The following NPY1R variants were observed in gnomAD, a reference collection of about 807,000 sequenced individuals.
NPY1R encodes neuropeptide Y receptor Y1.
In NPY1R, 10 loss-of-function variants were observed where a neutral mutation model predicts 24.1. The ratio of observed to expected loss-of-function variants is 0.42; its 90% CI spans 0.26 to 0.71. The LOEUF (loss-of-function observed/expected upper bound fraction) is 0.71, where lower values mean the gene tolerates loss of function less well. NPY1R is among the 30% of genes least tolerant of loss of function. The pLI, the probability that NPY1R is intolerant of heterozygous loss-of-function variation, is 0.28. For synonymous variants in NPY1R, 168 were observed against 165.9 expected (o/e 1.01, Z -0.10); for missense variants, 350 against 458.0 (o/e 0.76, Z 2.15).
chr4:163,331,876 C>T (rs1290601256), intron 1 of NPY1R, among the ~76,000 whole-genome samples: 1 of 152,242 alleles, frequency 6.6e-6, no homozygotes, highest in African/African-American at 2.4e-5. Context: ...CGGAGCGCGG[C>T]TCGATTGCAG....
At chr4:163,335,354 A>G (rs565891053), upstream of NPY1R, among the ~76,000 whole-genome samples, 2 of 152,328 alleles carry the variant, frequency 1.3e-5, no homozygotes, top group East Asian at 3.9e-4. Context: ...ATTTCTGTAA[A>G]TCTAAGTTTT....
chr4:163,333,201 G>T (rs1734773161), upstream of NPY1R, among the ~76,000 whole-genome samples: 3 of 151,536 alleles, frequency 2.0e-5, no homozygotes, highest in Admixed American at 2.0e-4. Context: ...TTTGTTCCCA[G>T]CGCTTAGCTG....
At position 163,326,326 on chromosome 4, in the gene NPY1R, T is replaced by C; in HGVS notation, c.229A>G (p.Ile77Val). The change falls in exon 2 of 3, where the codon ATC (isoleucine) becomes GTC (valine). Residue 77 changes from isoleucine to valine, a missense_variant. Ile to Val is a conservative substitution (Grantham distance 29). Coordinates refer to ENST00000296533, the MANE Select transcript of NPY1R (RefSeq NM_000909.6). ...GAGAAGGAAAGGTTCACAATCAGGA[T>C]GTTGGTAACATTTCTCATCTCCTTT... ...KQKEMRNVTN[I>V]LIVNLSFSDL... 1.2e-6 allele frequency: 2 copies of C among 1,614,074 alleles called. No homozygotes were observed. The highest frequency in any genetic ancestry group is 1.7e-6 in the Non-Finnish European group (2 of 1,179,912).
chr4:163,327,137 G>C (rs1734626129), intron 1 of NPY1R, among the ~76,000 whole-genome samples: 1 of 152,170 alleles, frequency 6.6e-6, no homozygotes, highest in Non-Finnish European at 1.5e-5. Context: ...AAGAATTAGT[G>C]TCAAGGTCAA....
At chr4:163,338,036 C>T (rs543523492) in intron 1 of NPY1R, among the ~76,000 whole-genome samples, 28 of 152,142 alleles carry the variant, frequency 1.8e-4, no homozygotes, top group Non-Finnish European at 3.1e-4. Flanking sequence ...TCTTTTTTTC[C>T]TTTGACTTCA....
chr4:163,330,701 T>A (rs561403168), intron 1 of NPY1R: 1 of 152,370 alleles, frequency 6.6e-6, no homozygotes, highest in South Asian at 2.1e-4. Context: ...ATTACATACA[T>A]CACCAGTTGG....
In NPY1R at chr4:163,325,347, C is replaced by A. The variant is rs772794019; in HGVS notation, c.1111G>T (p.Ala371Ser). 6.2e-7 allele frequency: 1 copy of A among 1,612,110 alleles called. No individual in the cohort carries two copies. Among genetic ancestry groups the A allele is most frequent in the Admixed American group, 1.7e-5 (1 of 59,610 alleles). The change falls in exon 3 of 3, where the codon GCA becomes TCA. Residue 371 changes from alanine (A) to serine (S), a missense_variant. By Grantham distance (99) the Ala-to-Ser change is moderately conservative. Transcript: ENST00000296533. ...KTSLKQASPV[A>S]FKKINNNDDN... is the part of the protein sequence containing the mutation. ...TCATTGTTGTTGATTTTTTTAAATG[C>A]GACTGGGCTTGCTTGCTTCAAAGAA...
At chr4:163,344,213 G>A (rs1735109083) in intron 1 of NPY1R, 1 of 152,870 alleles carries the variant, frequency 6.5e-6, no homozygotes, top group Non-Finnish European at 1.5e-5. Context: ...TAGGGTGGCG[G>A]AACAGGCACT....
chr4:163,325,696 C>A lies in NPY1R; in HGVS notation c.762G>T (p.Arg254Ser). 1 of 1,603,532 alleles carries A rather than the reference C, an allele frequency of 6.2e-7. No homozygotes were observed. Among genetic ancestry groups the A allele is most frequent in the South Asian group, 1.1e-5 (1 of 90,974 alleles). ...TATTGATTCTTTTGGTTTCACTGGACCTGTACTTATTGTCTCTCATCTTGT... is the reference window on the plus strand; with the variant it reads ...TATTGATTCTTTTGGTTTCACTGGAACTGTACTTATTGTCTCTCATCTTGT... ...MMDKMRDNKY[R>S]SSETKRINIM... The change falls in exon 3 of 3, where the codon AGG becomes AGT. Residue 254 changes from arginine (R) to serine (S), a missense_variant. Arg to Ser is a moderately radical substitution (Grantham distance 110, BLOSUM62 -1). Coordinates refer to ENST00000296533, the MANE Select transcript of NPY1R (RefSeq NM_000909.6).
intron 1 of NPY1R, among the ~76,000 whole-genome samples, chr4:163,342,000 C>A (rs1485798729): frequency 6.6e-6 from 1 of 152,122 alleles, no homozygotes; most frequent in African/African-American, 2.4e-5. Flanking sequence ...TCCAAGTGTT[C>A]TTAATACTGT....
chr4:163,327,830 A>G (rs897263637), intron 1 of NPY1R, among the ~76,000 whole-genome samples: 5 of 152,208 alleles, frequency 3.3e-5, no homozygotes, highest in African/African-American at 4.8e-5. Context: ...CTTTTCAAAA[A>G]TAAGTCTGAT....
At chr4:163,343,513 A>G (rs1422016650) in intron 1 of NPY1R, among the ~76,000 whole-genome samples, 2 of 150,772 alleles carry the variant, frequency 1.3e-5, no homozygotes, top group Non-Finnish European at 3.0e-5. Flanking sequence ...CCCACCCCAA[A>G]CAAAGATAAA....
chr4:163,326,980 T>C (rs890860911), intron 1 of NPY1R, among the ~76,000 whole-genome samples: 1 of 152,134 alleles, frequency 6.6e-6, no homozygotes, highest in African/African-American at 2.4e-5. Flanking sequence ...AAGTCTTACA[T>C]AAACAGTAAT....
chr4:163,325,036 T>C lies in NPY1R; in HGVS notation c.*267A>G, dbSNP rs1455204741. The C allele has an allele frequency of 5.0e-6, 2 of 396,544 alleles. No homozygotes were observed. Among genetic ancestry groups the C allele is most frequent in the African/African-American group, 4.1e-5 (2 of 49,156 alleles). The allele number at this position is 396,544 out of a possible 1,614,324, so 24.6% of individuals were successfully genotyped here. ...CATTCCAATAAGTACAGTATAAAAG[T>C]CTTTATATTATATGCATAAATTCAC... On this transcript the variant is annotated 3_prime_UTR_variant, in exon 3 of 3. Coordinates refer to ENST00000296533, the MANE Select transcript of NPY1R (RefSeq NM_000909.6).
chr4:163,339,474 T>C (rs1428761940), intron 1 of NPY1R, among the ~76,000 whole-genome samples: 1 of 151,822 alleles, frequency 6.6e-6, no homozygotes, highest in Non-Finnish European at 1.5e-5. Context: ...ACAACTATAC[T>C]CTGATTTCTT....
At chr4:163,336,354 T>A (rs1474278648), upstream of NPY1R, among the ~76,000 whole-genome samples, 1 of 152,244 alleles carries the variant, frequency 6.6e-6, no homozygotes, top group Non-Finnish European at 1.5e-5. Flanking sequence ...TTTTACTATA[T>A]GATATAATGA....
intron 1 of NPY1R, among the ~76,000 whole-genome samples, chr4:163,340,013 G>C (rs76677481): frequency 3.9e-5 from 6 of 152,074 alleles, no homozygotes; most frequent in Non-Finnish European, 8.8e-5. Context: ...GCTTTGAACA[G>C]TTCTGTAAAC....
upstream of NPY1R, among the ~76,000 whole-genome samples, chr4:163,337,382 C>T (rs1734865300): frequency 6.6e-6 from 1 of 152,190 alleles, no homozygotes; most frequent in Non-Finnish European, 1.5e-5. Flanking sequence ...TGAAATTCCA[C>T]CCCTCTCCCA....
intron 1 of NPY1R, among the ~76,000 whole-genome samples, chr4:163,342,957 T>TTCTCTTTC (rs138445142): frequency 0.15 from 19,940 of 133,262 alleles, 1,852 homozygotes; most frequent in African/African-American, 0.28. Context: ...CCTTCTCTCC[T>TTCTCTTTC]TCTCTCTCTC....
Sources: gnomAD v4.1 joint callset for allele counts (sites outside exome capture counted in the v4.1 genomes callset) on GRCh38, gnomAD v4.1.1 for gene constraint, MANE v1.5 for transcripts, NCBI Gene and HGNC (gene_info 2026-07-23, HGNC 2026-07-21) for gene names.